The following RYR2 variants were observed in gnomAD, a reference collection of about 807,000 sequenced individuals.
RYR2 encodes cardiac muscle ryanodine receptor-calcium release channel.
A neutral mutation model predicts 601.1 loss-of-function variants in RYR2; 227 were observed. The observed-to-expected ratio is 0.38, with a 90% CI of 0.34 to 0.42. The LOEUF is 0.42. Among genes scored for constraint, RYR2 ranks in the 10% least tolerant of loss-of-function variants. The pLI is 1.00. For missense variants in RYR2, 4,646 were observed against 6,156.5 expected (o/e 0.75, Z 8.21); for synonymous variants, 2,223 against 2,175.1 (o/e 1.02, Z -0.61).
chr1:237,296,354 A>T (rs1210317839), intron 2 of RYR2, among the ~76,000 whole-genome samples: 2 of 152,218 alleles, frequency 1.3e-5, no homozygotes, highest in Non-Finnish European at 2.9e-5. Flanking sequence ...GTTTCTAAAT[A>T]ATTTTACTCC....
chr1:237,508,964 G>T (rs1311543821), intron 23 of RYR2, among the ~76,000 whole-genome samples: 1 of 151,586 alleles, frequency 6.6e-6, no homozygotes, highest in Admixed American at 6.6e-5. Flanking sequence ...GGATGGTTTC[G>T]ATCTCCTGAC....
At chr1:237,655,388 A>G (rs1683144431) in intron 52 of RYR2, among the ~76,000 whole-genome samples, 1 of 152,170 alleles carries the variant, frequency 6.6e-6, no homozygotes, top group African/African-American at 2.4e-5. Context: ...ATAATGCAAC[A>G]TGGATCAGTT....
intron 1 of RYR2, among the ~76,000 whole-genome samples, chr1:237,107,479 C>T (rs1225863502): frequency 1.6e-5 from 2 of 122,902 alleles, no homozygotes; most frequent in Non-Finnish European, 3.2e-5. Context: ...GAGATCGCAC[C>T]ACTGCACTCC....
At chr1:237,210,179 C>T (rs1682412998) in intron 1 of RYR2, among the ~76,000 whole-genome samples, 1 of 151,878 alleles carries the variant, frequency 6.6e-6, no homozygotes, top group South Asian at 2.1e-4. Flanking sequence ...TATTTTTAAA[C>T]TTTTTATATC....
At chr1:237,275,411 A>G (rs942956109) in intron 2 of RYR2, among the ~76,000 whole-genome samples, 2 of 152,120 alleles carry the variant, frequency 1.3e-5, no homozygotes, top group African/African-American at 2.4e-5. Context: ...CAAGAAATGC[A>G]AACAAAAAGA....
intron 10 of RYR2, among the ~76,000 whole-genome samples, chr1:237,393,658 T>C (rs1332195150): frequency 6.6e-6 from 1 of 152,252 alleles, no homozygotes; most frequent in Non-Finnish European, 1.5e-5. Flanking sequence ...CTTTTCAGCC[T>C]GGAACTGAGA....
intron 46 of RYR2, among the ~76,000 whole-genome samples, 186 bp downstream of exon 46, chr1:237,639,387 A>C (rs1191963901): frequency 6.6e-6 from 1 of 152,228 alleles, no homozygotes; most frequent in Non-Finnish European, 1.5e-5. Context: ...TCGAATGAAC[A>C]AAGAGAGCTG....
intron 91 of RYR2, among the ~76,000 whole-genome samples, chr1:237,787,597 CAAAAAAAAAAA>C (rs778668137): frequency 1.3e-3 from 77 of 60,394 alleles, no homozygotes; most frequent in African/African-American, 3.4e-3. Flanking sequence ...GTCTCAAAAA[CAAAAAAAAAAA>C]AAAAAAAAAA....
At chr1:237,645,764 A>G (rs11583033) in intron 48 of RYR2, among the ~76,000 whole-genome samples, 19,875 of 152,034 alleles carry the variant, frequency 0.13, 1,492 homozygotes, top group African/African-American at 0.21. Flanking sequence ...TATTGTCTAC[A>G]TCGGGAGTCA....
At chr1:237,495,589 A>T (rs1663987089) in intron 19 of RYR2, among the ~76,000 whole-genome samples, 1 of 152,160 alleles carries the variant, frequency 6.6e-6, no homozygotes, top group African/African-American at 2.4e-5. Context: ...TTTATGAGTG[A>T]TATGTTCTGA....
chr1:237,587,712 T>A (rs1277904409), intron 29 of RYR2, among the ~76,000 whole-genome samples: 2 of 152,202 alleles, frequency 1.3e-5, no homozygotes, highest in Non-Finnish European at 2.9e-5. Flanking sequence ...GACATAAATA[T>A]TTGTGCATAT....
In RYR2 at chr1:237,809,161, G is replaced by A. The variant is rs1660988934; in HGVS notation, c.14433+126G>A. The A allele has an allele frequency of 7.7e-6, 7 of 906,058 alleles. No individual in the cohort carries two copies. In the East Asian group the frequency reaches 1.5e-4, roughly 19 times the overall value. The allele number at this position is 906,058 out of a possible 1,614,324, so 56.1% of individuals were successfully genotyped here. A position where few individuals can be genotyped will look rare whatever the true frequency, so the allele number is the denominator to read the frequency against. On this transcript the variant is annotated intron_variant, in intron 100 of 104. Coordinates refer to ENST00000366574, the MANE Select transcript of RYR2 (RefSeq NM_001035.3). ...AGTCTAAACAAATAAAAAGTTGCAGGGCTGTTTAAAGATTCAGCAGTTTTC... is the reference window on the plus strand; with the variant it reads ...AGTCTAAACAAATAAAAAGTTGCAGAGCTGTTTAAAGATTCAGCAGTTTTC...
At chr1:237,541,565 A>G (rs1157563540) in intron 25 of RYR2, among the ~76,000 whole-genome samples, 2 of 152,066 alleles carry the variant, frequency 1.3e-5, no homozygotes, top group African/African-American at 4.8e-5. Context: ...TTGATTCCTC[A>G]TTGGAACATT....
At chr1:237,083,186 G>C (rs1268196150) in intron 1 of RYR2, among the ~76,000 whole-genome samples, 39 of 152,118 alleles carry the variant, frequency 2.6e-4, no homozygotes, top group Non-Finnish European at 7.3e-5. Flanking sequence ...AACCCTCTAA[G>C]TGTTCTCTGG....
intron 29 of RYR2, among the ~76,000 whole-genome samples, chr1:237,587,691 G>A (rs1432210154): frequency 6.6e-6 from 1 of 152,122 alleles, no homozygotes; most frequent in Non-Finnish European, 1.5e-5. Context: ...TAGCTATGGG[G>A]AACAGTTTAG....
At chr1:237,382,749 T>C (rs933332298) in intron 8 of RYR2, among the ~76,000 whole-genome samples, 24 of 152,108 alleles carry the variant, frequency 1.6e-4, no homozygotes, top group African/African-American at 5.8e-4. Context: ...GTGAAAATAA[T>C]GATAAAAGAG....
At chr1:237,519,054 G>A (rs1666836675) in intron 24 of RYR2, among the ~76,000 whole-genome samples, 1 of 152,114 alleles carries the variant, frequency 6.6e-6, no homozygotes, top group African/African-American at 2.4e-5. Context: ...ATACCTGTTA[G>A]CCATTTGTAT....
chr1:237,333,069 A>G (rs536535159), intron 3 of RYR2, among the ~76,000 whole-genome samples: 3 of 152,326 alleles, frequency 2.0e-5, no homozygotes, highest in East Asian at 1.9e-4. Flanking sequence ...TTAGTTTTGA[A>G]TTGTTCACTC....
At chr1:237,687,664 A>T (rs550823796) in intron 63 of RYR2, among the ~76,000 whole-genome samples, 160 bp downstream of exon 63, 1 of 152,122 alleles carries the variant, frequency 6.6e-6, no homozygotes, top group Non-Finnish European at 1.5e-5. Flanking sequence ...TTGTTCATAA[A>T]TAGCATTATG....
Sources: gnomAD v4.1 joint callset for allele counts (sites outside exome capture counted in the v4.1 genomes callset) on GRCh38, gnomAD v4.1.1 for gene constraint, MANE v1.5 for transcripts, NCBI Gene and HGNC (gene_info 2026-07-23, HGNC 2026-07-21) for gene names.